Variants in DNAH14 observed in about 807,000 individuals in gnomAD.
DNAH14 encodes dynein axonemal heavy chain 14, also known as axonemal beta dynein heavy chain 14.
In DNAH14, 478 loss-of-function variants were observed where a neutral mutation model predicts 520.9. That is an observed-to-expected ratio of 0.92 (90% CI 0.85 to 0.99). The LOEUF is 0.99. Ranked by LOEUF, DNAH14 falls within the 50% of genes least tolerant of loss-of-function variation. DNAH14 has a pLI of 0.00. For missense variants in DNAH14, 4,831 were observed against 5,234.5 expected (o/e 0.92, Z 2.38); for synonymous variants, 1,581 against 1,757.2 (o/e 0.90, Z 2.51).
intron 17 of DNAH14, among the ~76,000 whole-genome samples, chr1:225,070,323 GC>G (rs1191607809): frequency 1.3e-5 from 2 of 152,012 alleles, no homozygotes; most frequent in African/African-American, 4.8e-5. Flanking sequence ...GATCTTTCTA[GC>G]TTTTTGATGT....
chr1:225,151,794 A>G, intron 31 of DNAH14: 2 of 656,762 alleles, frequency 3.0e-6, no homozygotes, highest in Non-Finnish European at 5.4e-6. Flanking sequence ...GACATAATCA[A>G]ATACATCTGA....
chr1:225,271,452 A>C (rs2149833727), intron 50 of DNAH14, among the ~76,000 whole-genome samples: 1 of 152,300 alleles, frequency 6.6e-6, no homozygotes, highest in Admixed American at 6.5e-5. Flanking sequence ...TTATTTTTCT[A>C]GTCACACTAG....
Position 225,153,820 on chromosome 1 carries a change from T to TA in DNAH14, c.5267_5268insA (p.Phe1756LeufsTer2). ...ATGGCTGGAACGAAGAAACGGGAGT[T>TA]TAAATGGTCAGTTGAATTTTGAATT... is the stretch of plus-strand genomic sequence containing the variant. On this transcript the variant is annotated frameshift_variant, in exon 34 of 86. Transcript: ENST00000682510. LOFTEE classifies it high-confidence loss of function. 6.5e-7 allele frequency: 1 copy of TA among 1,549,388 alleles called. No homozygotes were observed. The highest frequency in any genetic ancestry group is 8.7e-7 in the Non-Finnish European group (1 of 1,145,550).
chr1:225,312,372 C>A (rs552838932), intron 60 of DNAH14, among the ~76,000 whole-genome samples: 1 of 152,230 alleles, frequency 6.6e-6, no homozygotes, highest in East Asian at 1.9e-4. Flanking sequence ...TCTAAATATA[C>A]AATCATGTCA....
At chr1:225,328,724 A>G (rs536140353) in intron 64 of DNAH14, among the ~76,000 whole-genome samples, 2 of 152,176 alleles carry the variant, frequency 1.3e-5, no homozygotes, top group Non-Finnish European at 1.5e-5. Flanking sequence ...TGCTCATCAT[A>G]TAATAGACAC....
intron 36 of DNAH14, among the ~76,000 whole-genome samples, chr1:225,168,812 C>A (rs559378242): frequency 1.4e-4 from 21 of 152,296 alleles, no homozygotes; most frequent in African/African-American, 5.1e-4. Flanking sequence ...GTGGTTCTCC[C>A]AGCATGCAAC....
At position 224,941,412 on chromosome 1, in the gene DNAH14, G is replaced by A. The variant is rs2059410690; in HGVS notation, c.-33-11258G>A. Among the ~76,000 whole-genome samples, 3 of 152,102 alleles carry A rather than the reference G, an allele frequency of 2.0e-5. No individual in the cohort carries two copies. In the South Asian group the frequency reaches 6.2e-4, roughly 32 times the overall value. ...TTGTTTGACTTCATTGTAGATTCTG[G>A]ATATTAGCCCTTTGTCAGATGAGTA... On this transcript the variant is annotated intron_variant, in intron 1 of 85. Coordinates refer to ENST00000682510, the MANE Select transcript of DNAH14 (RefSeq NM_001367479.1).
rs75248667 is a variant in DNAH14 at position 225,115,966 on chromosome 1, G to C, written c.3868-1718G>C. ...TGGATGGTATGACCATATAAAAGAG[G>C]ACAAATTAACCCAGCCTGTAGGCAA... On this transcript the variant is annotated intron_variant, in intron 23 of 85. Transcript: ENST00000682510. Among the ~76,000 whole-genome samples, 107 of 152,284 alleles carry C rather than the reference G, an allele frequency of 7.0e-4. 1 individual carries two copies. The East Asian group carries it at 0.019, about 27-fold the overall frequency.
rs528203984 is a variant in DNAH14, at chr1:225,272,840, C to T, written c.7840-115C>T. 1.2e-4 allele frequency: 121 copies of T among 1,024,106 alleles called. 2 individuals carry two copies. The South Asian group carries it at 2.1e-3, about 18-fold the overall frequency. The allele number at this position is 1,024,106 out of a possible 1,614,324, so 63.4% of individuals were successfully genotyped here. ...ACTTGTAGAAATTCACAATTCTTAC[C>T]TTGGATAATTGCTTCTATTTTTATG... is the stretch of plus-strand genomic sequence containing the variant. On this transcript the variant is annotated intron_variant, in intron 51 of 85. Coordinates refer to ENST00000682510, the MANE Select transcript of DNAH14 (RefSeq NM_001367479.1).
chr1:225,137,619 G>A (rs1013442672), intron 27 of DNAH14, among the ~76,000 whole-genome samples: 1 of 152,180 alleles, frequency 6.6e-6, no homozygotes. Flanking sequence ...GCCTCCCAGA[G>A]TGCTGGGATT....
At chr1:225,370,592 A>G (rs1199345597) in intron 77 of DNAH14, among the ~76,000 whole-genome samples, 1 of 152,056 alleles carries the variant, frequency 6.6e-6, no homozygotes, top group East Asian at 1.9e-4. Context: ...ACCAAAAATT[A>G]CAAGACAGAA....
In DNAH14 at chr1:224,982,327, A is replaced by G. The variant is rs191997840; in HGVS notation, c.830+8174A>G. On this transcript the variant is annotated intron_variant, in intron 8 of 85. Coordinates refer to ENST00000682510, the MANE Select transcript of DNAH14 (RefSeq NM_001367479.1). Reference sequence around the variant, plus strand: ...AGTCTGACACTCAGCTGGACTGGCAAAGCAGAATATCTGTGTGTCAGTGTA... The same window carrying G: ...AGTCTGACACTCAGCTGGACTGGCAGAGCAGAATATCTGTGTGTCAGTGTA... 4.6e-4 allele frequency among the ~76,000 whole-genome samples: 70 copies of G among 152,310 alleles called. 1 individual carries two copies. The East Asian group carries it at 0.013, about 27-fold the overall frequency.
intron 49 of DNAH14, among the ~76,000 whole-genome samples, chr1:225,268,695 G>C (rs1012822215): frequency 7.2e-5 from 11 of 152,136 alleles, no homozygotes; most frequent in African/African-American, 2.7e-4. Flanking sequence ...CAGACAAACA[G>C]AGAGCCAAAT....
chr1:225,384,486 C>G (rs1257258589), intron 81 of DNAH14, among the ~76,000 whole-genome samples: 1 of 151,680 alleles, frequency 6.6e-6, no homozygotes, highest in African/African-American at 2.4e-5. Flanking sequence ...GCTATCAAGA[C>G]TAATAAAAAA....
intron 44 of DNAH14, among the ~76,000 whole-genome samples, chr1:225,256,027 T>A (rs1461131255): frequency 1.3e-5 from 2 of 152,194 alleles, no homozygotes; most frequent in Non-Finnish European, 2.9e-5. Context: ...GTTTTGTGTA[T>A]ACGAGCCAAT....
At chr1:225,151,219 C>A (rs2080469143) in intron 31 of DNAH14, among the ~76,000 whole-genome samples, 1 of 151,962 alleles carries the variant, frequency 6.6e-6, no homozygotes, top group African/African-American at 2.4e-5. Flanking sequence ...GTATCATAAT[C>A]TAATATTTCT....
intron 54 of DNAH14, among the ~76,000 whole-genome samples, chr1:225,282,265 G>T (rs1451471377): frequency 3.3e-5 from 5 of 152,170 alleles, no homozygotes; most frequent in Non-Finnish European, 7.4e-5. Context: ...TTCCAGGCTT[G>T]GGACAGCTAT....
intron 26 of DNAH14, among the ~76,000 whole-genome samples, chr1:225,123,007 T>C (rs2077416039): frequency 6.6e-6 from 1 of 152,186 alleles, no homozygotes; most frequent in African/African-American, 2.4e-5. Context: ...ATAAGGAAAC[T>C]TAAAACTCCA....
rs553800146 is a variant in DNAH14, at chr1:224,952,810, T to C, written c.77+31T>C. 5.4e-4 allele frequency: 825 copies of C among 1,514,850 alleles called. 3 individuals carry two copies. Among genetic ancestry groups the C allele is most frequent in the Admixed American group, 1.1e-3 (52 of 46,378 alleles). 93.8% of individuals were successfully genotyped at this position (1,514,850 alleles called of 1,614,324 possible). ...AGTAAGATAAAATATAATGAGTTTT[T>C]TTCTAAAGTAAGATTTCAGCAGTGT... On this transcript the variant is annotated intron_variant, in intron 2 of 85. Transcript: ENST00000682510.
Sources: allele counts gnomAD v4.1 joint callset (sites outside exome capture counted in the v4.1 genomes callset), GRCh38; gene constraint gnomAD v4.1.1; transcripts MANE v1.5; gene names NCBI Gene and HGNC (gene_info 2026-07-23, HGNC 2026-07-21).